BAZ2A: variants seen among roughly 807,000 people sequenced by gnomAD.
BAZ2A encodes bromodomain adjacent to zinc finger domain 2A, also known as bromodomain adjacent to zinc finger domain protein 2A.
In BAZ2A, 34 loss-of-function variants were observed where a neutral mutation model predicts 199.9. The ratio of observed to expected loss-of-function variants is 0.17; its 90% CI spans 0.13 to 0.23. The LOEUF is 0.23. Among genes scored for constraint, BAZ2A ranks in the 10% least tolerant of loss-of-function variants. The pLI, the probability that BAZ2A is intolerant of heterozygous loss-of-function variation, is 1.00. For missense variants in BAZ2A, 2,002 were observed against 2,391.1 expected (o/e 0.84, Z 3.39); for synonymous variants, 857 against 883.9 (o/e 0.97, Z 0.54).
chr12:56,624,932 A>G (rs1467138423), intron 1 of BAZ2A, among the ~76,000 whole-genome samples: 1 of 152,132 alleles, frequency 6.6e-6, no homozygotes, highest in Non-Finnish European at 1.5e-5. Flanking sequence ...CTGAATTAAT[A>G]AAACATTCTA....
chr12:56,618,459 A>G (rs761095701), intron 1 of BAZ2A, among the ~76,000 whole-genome samples: 2 of 152,072 alleles, frequency 1.3e-5, no homozygotes, highest in Non-Finnish European at 2.9e-5. Flanking sequence ...GACAGAGGAA[A>G]GGAAAGAAAG....
chr12:56,603,485 T>G (rs912631128), intron 17 of BAZ2A, 35 bp downstream of exon 17: 10 of 1,613,820 alleles, frequency 6.2e-6, no homozygotes, highest in Non-Finnish European at 5.9e-6. Context: ...GAATTTATTT[T>G]CTAACTCCCA....
At chr12:56,634,422 C>T (rs550104891), upstream of BAZ2A, among the ~76,000 whole-genome samples, 3 of 152,256 alleles carry the variant, frequency 2.0e-5, no homozygotes, top group African/African-American at 7.2e-5. Flanking sequence ...GAGGTTGGAC[C>T]CCAAGCTCCC....
chr12:56,606,448 C>A, intron 11 of BAZ2A, 136 bp from the exon 12 acceptor site: 1 of 1,214,030 alleles, frequency 8.2e-7, no homozygotes, highest in South Asian at 1.3e-5. Flanking sequence ...GATTAATTCT[C>A]TCACCCTAGA....
upstream of BAZ2A, among the ~76,000 whole-genome samples, chr12:56,631,592 C>T (rs760152583): frequency 6.6e-6 from 1 of 152,124 alleles, no homozygotes; most frequent in Non-Finnish European, 1.5e-5. Context: ...GGTTTCCTTT[C>T]CTTGCAACTC....
At chr12:56,604,832 G>A (rs139107422) in intron 14 of BAZ2A, 33 bp from the exon 15 acceptor site, 4 of 1,599,044 alleles carry the variant, frequency 2.5e-6, no homozygotes, top group South Asian at 1.1e-5. Context: ...GGGGTGAGTA[G>A]GGAAAGATGC....
chr12:56,614,016 G>C lies in BAZ2A; in HGVS notation c.853C>G (p.Gln285Glu). Residue 285 changes from glutamine (Q) to glutamate (E), a missense_variant, in exon 4 of 29, where the codon CAA (glutamine) becomes GAA (glutamate). Physicochemically the swap from Gln to Glu is conservative, Grantham distance 29. Around this residue, in one of 6 missense-constraint regions of BAZ2A, gnomAD observed 641 missense variants for 694.5 expected, o/e 0.92. Coordinates refer to ENST00000549884, the MANE Select transcript of BAZ2A (RefSeq NM_001300905.2). ...CLDDPSHLPD[Q>E]LEDTPILSED... ...CTGAGGATTGGAGTGTCTTCCAGTT[G>C]ATCAGGAAGATGTGAAGGATCATCT... 3 of 1,613,988 alleles carry C rather than the reference G, an allele frequency of 1.9e-6. No homozygotes were observed. Among genetic ancestry groups the C allele is most frequent in the Non-Finnish European group, 2.5e-6 (3 of 1,179,880 alleles).
At position 56,598,889 on chromosome 12, in the gene BAZ2A, C is replaced by T; in HGVS notation, c.5525G>A (p.Arg1842Gln). 3 of 1,606,274 alleles carry T rather than the reference C, an allele frequency of 1.9e-6. No homozygotes were observed. The highest frequency in any genetic ancestry group is 2.6e-6 in the Non-Finnish European group (3 of 1,176,452). Residue 1842 changes from arginine to glutamine, a missense_variant, in exon 28 of 29, where the codon CGG becomes CAG. By Grantham distance (43) the Arg-to-Gln change is conservative. Around this residue, in one of 6 missense-constraint regions of BAZ2A, gnomAD observed 76 missense variants for 139.3 expected, o/e 0.55. Transcript: ENST00000549884. The stretch of plus-strand genomic sequence containing the variant: ...TTACCCTCCCCTGAGCAGCCGCTCC[C>T]GCATGGTGGAAAAATCCATAGGATT... ...IKNPMDFSTM[R>Q]ERLLRGGYTS...
In BAZ2A at chr12:56,630,290, G is replaced by GC; in HGVS notation, c.-169dup. On this transcript the variant is annotated 5_prime_UTR_variant, in exon 1 of 29. An upstream open reading frame in the 5' UTR loses its in-frame stop. Transcript: ENST00000549884. ...GAGGGGGACGCGGCTCAACCGCGGG[G>GC]CCCGAGAGGAGCCAACATGGCCGGC... 2 of 984,918 alleles carry GC rather than the reference G, an allele frequency of 2.0e-6. No individual in the cohort carries two copies. Among genetic ancestry groups the GC allele is most frequent in the Non-Finnish European group, 2.4e-6 (2 of 829,410 alleles). 61.0% of individuals were successfully genotyped at this position (984,918 alleles called of 1,614,324 possible). A position where few individuals can be genotyped will look rare whatever the true frequency, so the allele number is the denominator to read the frequency against.
At chr12:56,631,067 T>C (rs1318075826), upstream of BAZ2A, among the ~76,000 whole-genome samples, 1 of 152,196 alleles carries the variant, frequency 6.6e-6, no homozygotes, top group Non-Finnish European at 1.5e-5. Context: ...AAGTAAAATC[T>C]AGCAGAGGAC....
chr12:56,601,868 C>A lies in BAZ2A; in HGVS notation c.3749G>T (p.Gly1250Val), dbSNP rs751247558. The A allele has an allele frequency of 3.1e-6, 5 of 1,613,730 alleles. No homozygotes were observed. In the Admixed American group the frequency reaches 8.3e-5, roughly 27 times the overall value. The change falls in exon 20 of 29, where the codon GGC (glycine) becomes GTC (valine). Residue 1250 changes from glycine (G) to valine (V), a missense_variant. Physicochemically the swap from Gly to Val is moderately radical, Grantham distance 109 (BLOSUM62 -3). Around this residue, in one of 6 missense-constraint regions of BAZ2A, gnomAD observed 1,081 missense variants for 1,274.7 expected, o/e 0.85. Transcript: ENST00000549884. ...GCTCTGACCCAGTGACAAAGGGGAG[C>A]CTTCTTGCTCCAGGAACCCCTTATG... ...QSHKGFLEQE[G>V]SPLSLGQSQH...
rs754077611 is a variant in BAZ2A, at chr12:56,615,232, T to C, written c.512A>G (p.Asp171Gly). The C allele has an allele frequency of 1.2e-6, 2 of 1,613,620 alleles. No homozygotes were observed. Among genetic ancestry groups the C allele is most frequent in the South Asian group, 2.2e-5 (2 of 91,058 alleles). ...ATTGGGCATCACCTCAAAATTCTGG[T>C]CAGGAAAGGAATCATACAGTTCTTG... ...DSQELYDSFP[D>G]QNFEVMPNGP... Residue 171 changes from aspartate to glycine, a missense_variant, in exon 3 of 29, where the codon GAC becomes GGC. This residue lies in a region of BAZ2A where 641 missense variants were observed against 694.5 expected (regional missense o/e 0.92). Coordinates refer to ENST00000549884, the MANE Select transcript of BAZ2A (RefSeq NM_001300905.2).
chr12:56,632,684 G>A (rs1246835099), upstream of BAZ2A, among the ~76,000 whole-genome samples: 1 of 152,142 alleles, frequency 6.6e-6, no homozygotes, highest in Non-Finnish European at 1.5e-5. Context: ...AAAAGAAAAT[G>A]AGGTAGGATC....
At position 56,598,796 on chromosome 12, in the gene BAZ2A, G is replaced by A; in HGVS notation, c.5547-13C>T. ...TGAGCTGGTGTACCTGGACAGGGCA[G>A]GGGCAAAACTGTGAGCTGGGTAGGA... On this transcript the variant is annotated splice_polypyrimidine_tract_variant and intron_variant, in intron 28 of 28. Transcript: ENST00000549884. 8.7e-6 allele frequency: 14 copies of A among 1,610,810 alleles called. No homozygotes were observed. The highest frequency in any genetic ancestry group is 1.2e-5 in the Non-Finnish European group (14 of 1,178,364).
intron 13 of BAZ2A, 27 bp downstream of exon 13, chr12:56,605,803 C>A (rs778328821): frequency 1.3e-6 from 2 of 1,588,972 alleles, no homozygotes; most frequent in Non-Finnish European, 1.7e-6. Context: ...CCAGCTGACC[C>A]AGGAACTGTT....
rs1886521128 is a variant in BAZ2A at position 56,601,918 on chromosome 12, A to G, written c.3699T>C (p.Pro1233=). The stretch of plus-strand genomic sequence containing the variant: ...GGGACTGAAGCTGAAGCTGAAGCTG[A>G]GGCTGGGGCTGGGCAGGAGCATGAA... ...AQLHAPAQPQ[P]QLQLQLQSHK... Residue 1233 remains proline (P), a synonymous_variant, in exon 20 of 29, where the codon CCT becomes CCC. Coordinates refer to ENST00000549884, the MANE Select transcript of BAZ2A (RefSeq NM_001300905.2). 5 of 1,598,402 alleles carry G rather than the reference A, an allele frequency of 3.1e-6. No homozygotes were observed. The highest frequency in any genetic ancestry group is 1.8e-5 in the Admixed American group (1 of 55,896).
At chr12:56,617,943 A>C (rs980374198) in intron 1 of BAZ2A, among the ~76,000 whole-genome samples, 1 of 152,200 alleles carries the variant, frequency 6.6e-6, no homozygotes, top group African/African-American at 2.4e-5. Context: ...GGCCCACAAA[A>C]GGTTCTCAAA....
At chr12:56,626,641 A>C (rs1951104057) in intron 1 of BAZ2A, among the ~76,000 whole-genome samples, 1 of 152,232 alleles carries the variant, frequency 6.6e-6, no homozygotes, top group Admixed American at 6.5e-5. Context: ...ATTTTATAAG[A>C]AGGCCATGAA....
intron 19 of BAZ2A, 117 bp from the exon 20 acceptor site, chr12:56,602,309 A>G (rs1178065626): frequency 6.6e-6 from 6 of 913,364 alleles, no homozygotes; most frequent in African/African-American, 1.7e-5. Flanking sequence ...CCCTTTTTTG[A>G]GATTCCACTG....
Sources: allele counts gnomAD v4.1 joint callset (sites outside exome capture counted in the v4.1 genomes callset), GRCh38; gene constraint gnomAD v4.1.1; regional missense constraint gnomAD v4.1.1; transcripts MANE v1.5; gene names NCBI Gene and HGNC (gene_info 2026-07-23, HGNC 2026-07-21).